The following ARHGEF3 variants were observed in gnomAD, a reference collection of about 807,000 sequenced individuals.
The protein encoded by ARHGEF3 is Rho guanine nucleotide exchange factor 3.
In ARHGEF3, 28 loss-of-function variants were observed where a neutral mutation model predicts 63.2. The ratio of observed to expected loss-of-function variants is 0.44; its 90% CI spans 0.33 to 0.61. The LOEUF is 0.61. Among genes scored for constraint, ARHGEF3 ranks in the 20% least tolerant of loss-of-function variants. ARHGEF3 has a pLI of 0.03. For synonymous variants in ARHGEF3, 266 were observed against 254.2 expected, an observed-to-expected ratio of 1.05 and a Z score of -0.44; for missense variants, 533 against 659.3, an observed-to-expected ratio of 0.81 and a Z score of 2.10.
At chr3:56,996,146 G>T (rs1474973644) in intron 2 of ARHGEF3, among the ~76,000 whole-genome samples, 1 of 152,104 alleles carries the variant, frequency 6.6e-6, no homozygotes, top group Non-Finnish European at 1.5e-5. Context: ...CTCACCAACT[G>T]AAACACAGTC....
At chr3:56,981,053 G>A (rs1028652916) in intron 2 of ARHGEF3, among the ~76,000 whole-genome samples, 3 of 152,210 alleles carry the variant, frequency 2.0e-5, no homozygotes, top group Non-Finnish European at 4.4e-5. Flanking sequence ...CTGACTAACA[G>A]AAAGTCACAT....
chr3:57,015,611 T>A (rs559664209), intron 2 of ARHGEF3, among the ~76,000 whole-genome samples: 108 of 150,588 alleles, frequency 7.2e-4, no homozygotes, highest in Non-Finnish European at 1.4e-3. Context: ...TTTTTTTTTT[T>A]TTTTTTTTTT....
chr3:56,757,470 G>A (rs534370072), intron 2 of ARHGEF3, among the ~76,000 whole-genome samples: 70 of 150,982 alleles, frequency 4.6e-4, no homozygotes, highest in African/African-American at 1.6e-3. Flanking sequence ...GTGAGACTCC[G>A]TCTCAGAAAA....
intron 1 of ARHGEF3, among the ~76,000 whole-genome samples, chr3:57,035,731 T>G (rs924839324): frequency 6.6e-6 from 1 of 152,210 alleles, no homozygotes; most frequent in African/African-American, 2.4e-5. Context: ...AGAAGTGATG[T>G]GTGCCACTTC....
intron 3 of ARHGEF3, among the ~76,000 whole-genome samples, chr3:56,948,332 A>T (rs1279844533): frequency 3.3e-5 from 5 of 152,206 alleles, no homozygotes; most frequent in Non-Finnish European, 7.3e-5. Context: ...AAATCAGTGA[A>T]TCCAGGAGCT....
intron 1 of ARHGEF3, among the ~76,000 whole-genome samples, chr3:57,053,125 C>A (rs901389576): frequency 6.6e-6 from 1 of 152,220 alleles, no homozygotes. Context: ...CCAAGGAGTG[C>A]AAATTCTGGA....
chr3:56,902,775 G>A (rs2041557045), intron 3 of ARHGEF3, among the ~76,000 whole-genome samples: 2 of 152,266 alleles, frequency 1.3e-5, no homozygotes, highest in South Asian at 4.1e-4. Context: ...ACCAGAGAAG[G>A]AGACTTATAC....
intron 1 of ARHGEF3, among the ~76,000 whole-genome samples, chr3:57,053,042 C>CT (rs1229228730): frequency 6.6e-6 from 1 of 152,208 alleles, no homozygotes; most frequent in Non-Finnish European, 1.5e-5. Flanking sequence ...CCCCTCCACC[C>CT]TACCCACCAC....
At chr3:57,078,761 C>T in intron 1 of ARHGEF3, 1 of 153,056 alleles carries the variant, frequency 6.5e-6, no homozygotes, top group East Asian at 1.9e-4. Flanking sequence ...CCGCCACCAG[C>T]AGCGCCCGAC....
chr3:56,860,448 G>A (rs2040035544), intron 4 of ARHGEF3, among the ~76,000 whole-genome samples: 1 of 152,158 alleles, frequency 6.6e-6, no homozygotes, highest in South Asian at 2.1e-4. Context: ...CTCCCAAAGT[G>A]TGAGCCACTG....
At chr3:56,838,611 G>T (rs1356267942) in intron 4 of ARHGEF3, among the ~76,000 whole-genome samples, 2 of 152,154 alleles carry the variant, frequency 1.3e-5, no homozygotes, top group Non-Finnish European at 2.9e-5. Context: ...TTTAGATGTG[G>T]GAAGGAGGTC....
Position 56,898,822 on chromosome 3 carries a change from C to T in ARHGEF3, c.130-16468G>A, listed in dbSNP as rs2041403316. ...CTGTAATCCCAGCACTTTGGGAGGC[C>T]AAGGCGGGCAGATCACGAGGTCAAG... On this transcript the variant is annotated intron_variant, in intron 3 of 12. Coordinates refer to the ARHGEF3 transcript ENST00000338458. Among the ~76,000 whole-genome samples, 4 of 152,072 alleles carry T rather than the reference C, an allele frequency of 2.6e-5. No individual in the cohort carries two copies. In the South Asian group the frequency reaches 8.3e-4, roughly 32 times the overall value.
At chr3:56,913,122 G>C (rs1194016206) in intron 3 of ARHGEF3, among the ~76,000 whole-genome samples, 1 of 151,332 alleles carries the variant, frequency 6.6e-6, no homozygotes, top group East Asian at 1.9e-4. Context: ...CTGGGCTCGA[G>C]CAAGGCAGAG....
intron 1 of ARHGEF3, among the ~76,000 whole-genome samples, chr3:56,793,256 G>A (rs551623703): frequency 4.0e-5 from 6 of 150,860 alleles, no homozygotes; most frequent in Admixed American, 1.3e-4. Context: ...TGCAAGCTCC[G>A]CCTCCCGGGT....
chr3:56,919,867 T>C (rs2042081905), intron 3 of ARHGEF3, among the ~76,000 whole-genome samples: 1 of 152,126 alleles, frequency 6.6e-6, no homozygotes, highest in Non-Finnish European at 1.5e-5. Context: ...CTAGAGGTGG[T>C]GAGGTTGGTC....
chr3:56,890,142 T>C (rs2041070304), intron 3 of ARHGEF3, among the ~76,000 whole-genome samples: 1 of 152,184 alleles, frequency 6.6e-6, no homozygotes. Flanking sequence ...CCACAAGGCA[T>C]TTACCTACAT....
chr3:56,865,023 T>C (rs558516384), intron 4 of ARHGEF3, among the ~76,000 whole-genome samples: 43 of 152,288 alleles, frequency 2.8e-4, no homozygotes, highest in African/African-American at 9.6e-4. Flanking sequence ...CCCTTTATTA[T>C]ATAAAACACA....
intron 3 of ARHGEF3, among the ~76,000 whole-genome samples, chr3:56,932,381 T>A (rs917093941): frequency 6.6e-6 from 1 of 152,170 alleles, no homozygotes; most frequent in Non-Finnish European, 1.5e-5. Flanking sequence ...CTCAAGTGCT[T>A]TTTTTCATAG....
At chr3:57,046,056 C>T (rs1006411) in intron 1 of ARHGEF3, among the ~76,000 whole-genome samples, 37,991 of 152,004 alleles carry the variant, frequency 0.25, 5,706 homozygotes, top group East Asian at 0.63. Context: ...CTCTTAGAAG[C>T]CCAATTCTAA....
Sources: gnomAD v4.1 joint callset for allele counts (sites outside exome capture counted in the v4.1 genomes callset) on GRCh38, gnomAD v4.1.1 for gene constraint, MANE v1.5 for transcripts, NCBI Gene and HGNC (gene_info 2026-07-23, HGNC 2026-07-21) for gene names.